SDCCAG8: variants seen among roughly 807,000 people sequenced by gnomAD.
SDCCAG8 encodes SHH signaling and ciliogenesis regulator SDCCAG8.
Under a neutral mutation model 101.8 loss-of-function variants are expected in SDCCAG8, and 74 were observed. The ratio of observed to expected loss-of-function variants is 0.73; its 90% CI spans 0.60 to 0.88. The LOEUF (loss-of-function observed/expected upper bound fraction) is 0.88, where lower values mean the gene tolerates loss of function less well. SDCCAG8 is among the 40% of genes least tolerant of loss of function. SDCCAG8 has a pLI of 0.00. For synonymous variants in SDCCAG8, 281 were observed against 292.9 expected (o/e 0.96, Z 0.41); for missense variants, 787 against 822.6 (o/e 0.96, Z 0.53).
At chr1:243,334,418 C>G (rs557997807) in intron 10 of SDCCAG8, among the ~76,000 whole-genome samples, 2 of 152,312 alleles carry the variant, frequency 1.3e-5, no homozygotes, top group African/African-American at 4.8e-5. Flanking sequence ...TATGTTCCTT[C>G]ATTTTTCTTC....
At chr1:243,417,774 G>A (rs1053830880) in intron 14 of SDCCAG8, among the ~76,000 whole-genome samples, 194 bp from the exon 15 acceptor site, 1 of 152,212 alleles carries the variant, frequency 6.6e-6, no homozygotes, top group Non-Finnish European at 1.5e-5. Context: ...GTATAATTAT[G>A]TTGAAAATAA....
At chr1:243,353,029 A>G (rs1266553031) in intron 12 of SDCCAG8, among the ~76,000 whole-genome samples, 1 of 152,174 alleles carries the variant, frequency 6.6e-6, no homozygotes, top group Non-Finnish European at 1.5e-5. Context: ...TTCAATAACC[A>G]TATATTATGT....
intron 13 of SDCCAG8, among the ~76,000 whole-genome samples, chr1:243,405,934 TAATAG>T (rs938995573): frequency 7.3e-5 from 11 of 151,468 alleles, no homozygotes; most frequent in African/African-American, 1.5e-4. Context: ...AATAATAGAA[TAATAG>T]AATAGAATAG....
chr1:243,499,875 C>T lies in SDCCAG8; in HGVS notation c.*90C>T. 3.1e-6 allele frequency: 4 copies of T among 1,289,330 alleles called. No individual in the cohort carries two copies. Among genetic ancestry groups the T allele is most frequent in the Non-Finnish European group, 2.2e-6 (2 of 898,996 alleles). The allele number at this position is 1,289,330 out of a possible 1,614,324, so 79.9% of individuals were successfully genotyped here. ...TTAATATGCCACAACGCACCACGAC[C>T]TTCCCAGGGTGACACCGCCTCAGCC... On this transcript the variant is annotated 3_prime_UTR_variant, in exon 18 of 18. Coordinates refer to ENST00000366541, the MANE Select transcript of SDCCAG8 (RefSeq NM_006642.5).
At chr1:243,481,274 T>C (rs1334651408) in intron 16 of SDCCAG8, among the ~76,000 whole-genome samples, 1 of 152,134 alleles carries the variant, frequency 6.6e-6, no homozygotes, top group Non-Finnish European at 1.5e-5. Context: ...GTGAGAGACC[T>C]GTACAGAGTC....
chr1:243,457,354 A>G (rs549225497), intron 16 of SDCCAG8, among the ~76,000 whole-genome samples: 1 of 152,326 alleles, frequency 6.6e-6, no homozygotes, highest in African/African-American at 2.4e-5. Context: ...TCGGTTTTAG[A>G]TCCAAAGCAT....
At chr1:243,350,044 A>T (rs2075996822) in intron 12 of SDCCAG8, among the ~76,000 whole-genome samples, 1 of 152,200 alleles carries the variant, frequency 6.6e-6, no homozygotes, top group Non-Finnish European at 1.5e-5. Context: ...TACAGCAGTG[A>T]TTCAGCACTT....
At chr1:243,448,262 G>A (rs1420374258) in intron 16 of SDCCAG8, among the ~76,000 whole-genome samples, 1 of 152,154 alleles carries the variant, frequency 6.6e-6, no homozygotes, top group Non-Finnish European at 1.5e-5. Context: ...AAATCTGGCT[G>A]TAGCAAACAA....
chr1:243,370,492 C>T (rs564037021), intron 12 of SDCCAG8, among the ~76,000 whole-genome samples: 3 of 152,064 alleles, frequency 2.0e-5, no homozygotes, highest in East Asian at 3.9e-4. Flanking sequence ...GTAAACTGAC[C>T]GCAGAGTTGT....
intron 16 of SDCCAG8, among the ~76,000 whole-genome samples, chr1:243,436,423 T>C (rs547186763): frequency 1.1e-4 from 16 of 152,336 alleles, no homozygotes; most frequent in Admixed American, 1.0e-3. Context: ...GGGTGTAAAG[T>C]CTCTGTCTAG....
intron 6 of SDCCAG8, among the ~76,000 whole-genome samples, chr1:243,300,569 G>A (rs1251400851): frequency 6.6e-6 from 1 of 152,004 alleles, no homozygotes; most frequent in East Asian, 1.9e-4. Context: ...TCTTCTTGTG[G>A]CCCACCTTTA....
intron 8 of SDCCAG8, among the ~76,000 whole-genome samples, chr1:243,314,423 C>T (rs919285344): frequency 6.6e-6 from 1 of 152,138 alleles, no homozygotes; most frequent in Non-Finnish European, 1.5e-5. Flanking sequence ...GTTTCTAATT[C>T]AAAATAGGTA....
chr1:243,378,641 C>T, intron 12 of SDCCAG8, 80 bp from the exon 13 acceptor site: 1 of 1,475,366 alleles, frequency 6.8e-7, no homozygotes, highest in Admixed American at 1.8e-5. Context: ...AAATTCATGG[C>T]AAAAAATAAA....
intron 16 of SDCCAG8, among the ~76,000 whole-genome samples, chr1:243,473,104 G>A (rs960849864): frequency 7.2e-5 from 11 of 152,038 alleles, no homozygotes; most frequent in Non-Finnish European, 1.5e-4. Flanking sequence ...TGTGGGGGGT[G>A]TGTCTGTAGA....
rs2066631402 is a variant in SDCCAG8 at position 243,256,115 on chromosome 1, AAGG to A, written c.-58_-56del. On this transcript the variant is annotated 5_prime_UTR_variant, in exon 1 of 18. Transcript: ENST00000366541. ...CCGGCCACAGGCCTGTTGTTCTCGG[AAGG>A]GAGAAAGCTGGACATTTCCCCACGT... The A allele has an allele frequency of 6.6e-7, 1 of 1,522,968 alleles. No homozygotes were observed. Among genetic ancestry groups the A allele is most frequent in the Non-Finnish European group, 9.1e-7 (1 of 1,096,962 alleles). 94.3% of individuals were successfully genotyped at this position (1,522,968 alleles called of 1,614,324 possible). A position where few individuals can be genotyped will look rare whatever the true frequency, so the allele number is the denominator to read the frequency against.
Position 243,256,089 on chromosome 1 carries a change from C to G in SDCCAG8, c.-85C>G, listed in dbSNP as rs187268286. Reference sequence around the variant, plus strand: ...CGCGGCAGGAAGCAGGCGGGCGCTCCCCGGCCACAGGCCTGTTGTTCTCGG... The same window carrying G: ...CGCGGCAGGAAGCAGGCGGGCGCTCGCCGGCCACAGGCCTGTTGTTCTCGG... On this transcript the variant is annotated 5_prime_UTR_variant, in exon 1 of 18. Coordinates refer to ENST00000366541, the MANE Select transcript of SDCCAG8 (RefSeq NM_006642.5). 5.2e-6 allele frequency: 7 copies of G among 1,349,334 alleles called. No individual in the cohort carries two copies. The African/African-American group carries it at 8.6e-5, about 17-fold the overall frequency. 83.6% of individuals were successfully genotyped at this position (1,349,334 alleles called of 1,614,324 possible).
intron 17 of SDCCAG8, among the ~76,000 whole-genome samples, chr1:243,497,400 G>C (rs1668269290): frequency 1.3e-5 from 2 of 151,708 alleles, no homozygotes. Flanking sequence ...GATGGATATG[G>C]GGCTTCTCAC....
chr1:243,340,609 G>A (rs2075330243), intron 10 of SDCCAG8, among the ~76,000 whole-genome samples: 1 of 152,096 alleles, frequency 6.6e-6, no homozygotes, highest in Non-Finnish European at 1.5e-5. Context: ...CAGACCAGTT[G>A]CTCTCTCTAA....
At chr1:243,309,865 GT>G (rs1266826688) in intron 8 of SDCCAG8, among the ~76,000 whole-genome samples, 2 of 139,522 alleles carry the variant, frequency 1.4e-5, no homozygotes, top group Non-Finnish European at 3.2e-5. Context: ...ATGTTTGTTT[GT>G]TTTGTTTTTG....
Sources: allele counts gnomAD v4.1 joint callset (sites outside exome capture counted in the v4.1 genomes callset), GRCh38; gene constraint gnomAD v4.1.1; transcripts MANE v1.5; gene names NCBI Gene and HGNC (gene_info 2026-07-23, HGNC 2026-07-21).